CCDC102B: variants seen among roughly 807,000 people sequenced by gnomAD.
CCDC102B encodes the protein coiled-coil domain-containing protein 102B.
A neutral mutation model predicts 57.4 loss-of-function variants in CCDC102B; 75 were observed. The observed-to-expected ratio is 1.31, with a 90% CI of 1.08 to 1.58. CCDC102B has a LOEUF of 1.58. Ranked by LOEUF, CCDC102B falls within the 40% of genes most tolerant of loss-of-function variation. The pLI is 0.00. For synonymous variants in CCDC102B, 206 were observed against 201.9 expected (o/e 1.02, Z -0.17); for missense variants, 636 against 582.6 (o/e 1.09, Z -0.94).
intron 6 of CCDC102B, among the ~76,000 whole-genome samples, chr18:69,002,689 T>C (rs1395676929): frequency 6.6e-6 from 1 of 152,074 alleles, no homozygotes; most frequent in Admixed American, 6.6e-5. Context: ...CCTTAACTAG[T>C]TCTCTATTAA....
At chr18:68,879,156 G>A (rs1342150358) in intron 5 of CCDC102B, among the ~76,000 whole-genome samples, 3 of 151,988 alleles carry the variant, frequency 2.0e-5, no homozygotes, top group Admixed American at 6.6e-5. Flanking sequence ...TGAAGCTGCA[G>A]ATCTTCGCGG....
intron 7 of CCDC102B, among the ~76,000 whole-genome samples, chr18:69,042,053 C>T (rs1325968865): frequency 6.6e-6 from 1 of 151,930 alleles, no homozygotes; most frequent in African/African-American, 2.4e-5. Flanking sequence ...TATTAATTAC[C>T]ATCAGTCATT....
At chr18:68,739,352 C>G (rs1216673887) in intron 2 of CCDC102B, among the ~76,000 whole-genome samples, 4 of 152,172 alleles carry the variant, frequency 2.6e-5, no homozygotes, top group Admixed American at 2.6e-4. Context: ...CTCACTGTTT[C>G]ATGAACAAAG....
At chr18:68,745,506 G>A (rs182408775) in intron 2 of CCDC102B, among the ~76,000 whole-genome samples, 1 of 152,004 alleles carries the variant, frequency 6.6e-6, no homozygotes, top group East Asian at 1.9e-4. Flanking sequence ...GATACATAGT[G>A]ATGTTTTGAT....
intron 2 of CCDC102B, among the ~76,000 whole-genome samples, chr18:68,734,143 C>T (rs2033021774): frequency 6.6e-6 from 1 of 152,116 alleles, no homozygotes; most frequent in Non-Finnish European, 1.5e-5. Context: ...AGTCAGAAAG[C>T]AGTTAGTAAT....
chr18:68,801,180 C>A (rs1031711560), intron 1 of CCDC102B, among the ~76,000 whole-genome samples: 2 of 151,954 alleles, frequency 1.3e-5, no homozygotes, highest in Admixed American at 1.3e-4. Flanking sequence ...GGTCACTGAC[C>A]TTGAGATTTT....
At position 68,836,958 on chromosome 18, in the gene CCDC102B, C is replaced by T. The variant is rs2037405924; in HGVS notation, c.195C>T (p.Asn65=). Residue 65 remains asparagine, a synonymous_variant, in exon 2 of 8, where the codon AAC becomes AAT. Coordinates refer to ENST00000360242, the MANE Select transcript of CCDC102B (RefSeq NM_024781.3). ...HNFCAHSYNT[N]KWDICEELRL... is the part of the protein sequence containing the mutation. ...TCTGTGCTCACTCATATAACACCAA[C>T]AAATGGGATATTTGTGAAGAACTTC... 6.2e-7 allele frequency: 1 copy of T among 1,614,050 alleles called. No homozygotes were observed. The highest frequency in any genetic ancestry group is 1.3e-5 in the African/African-American group (1 of 74,908).
intron 5 of CCDC102B, among the ~76,000 whole-genome samples, chr18:68,895,329 A>G (rs964490842): frequency 6.6e-6 from 1 of 151,714 alleles, no homozygotes; most frequent in East Asian, 1.9e-4. Flanking sequence ...AGATTTGGGA[A>G]CAGAACATTT....
intron 6 of CCDC102B, among the ~76,000 whole-genome samples, chr18:68,983,872 G>T (rs770179284): frequency 6.6e-6 from 1 of 151,884 alleles, no homozygotes; most frequent in African/African-American, 2.4e-5. Flanking sequence ...GATCAGAGCT[G>T]CATGTTTAAA....
chr18:68,878,623 C>T (rs1306743832), intron 5 of CCDC102B, among the ~76,000 whole-genome samples: 1 of 152,150 alleles, frequency 6.6e-6, no homozygotes, highest in Non-Finnish European at 1.5e-5. Context: ...GGAGAAAGTG[C>T]TGTGTATGAA....
intron 7 of CCDC102B, among the ~76,000 whole-genome samples, chr18:69,024,308 G>A (rs773681316): frequency 6.6e-6 from 1 of 151,904 alleles, no homozygotes; most frequent in African/African-American, 2.4e-5. Context: ...ATTTTTGGAG[G>A]CTCCTCCAAA....
intron 2 of CCDC102B, among the ~76,000 whole-genome samples, chr18:68,765,515 GAGAA>G (rs1176071075): frequency 6.6e-6 from 1 of 151,794 alleles, no homozygotes; most frequent in Non-Finnish European, 1.5e-5. Context: ...AAGAAAGAAA[GAGAA>G]AGAAATAGAA....
intron 6 of CCDC102B, among the ~76,000 whole-genome samples, chr18:68,988,798 G>C (rs1348435239): frequency 6.6e-6 from 1 of 152,160 alleles, no homozygotes. Flanking sequence ...AGATAGTTTG[G>C]AAAAGATTGA....
At chr18:68,882,994 G>A (rs895571823) in intron 5 of CCDC102B, among the ~76,000 whole-genome samples, 1 of 152,138 alleles carries the variant, frequency 6.6e-6, no homozygotes, top group Non-Finnish European at 1.5e-5. Context: ...GTGGAAAGAG[G>A]GAGAGGATCA....
intron 1 of CCDC102B, among the ~76,000 whole-genome samples, chr18:68,820,368 A>C (rs2036645609): frequency 6.6e-6 from 1 of 152,122 alleles, no homozygotes; most frequent in African/African-American, 2.4e-5. Context: ...ATTGATAATC[A>C]AATGCTAAAC....
At chr18:68,906,658 C>A (rs549843977) in intron 6 of CCDC102B, among the ~76,000 whole-genome samples, 1 of 152,242 alleles carries the variant, frequency 6.6e-6, no homozygotes, top group Non-Finnish European at 1.5e-5. Flanking sequence ...TATGTGTACT[C>A]AAACTCTTTG....
chr18:69,045,597 T>G (rs1429924715), intron 7 of CCDC102B, among the ~76,000 whole-genome samples: 1 of 152,172 alleles, frequency 6.6e-6, no homozygotes, highest in African/African-American at 2.4e-5. Context: ...ATTTCCTTTT[T>G]ATTTTTTACT....
At chr18:69,055,896 TA>T (rs1478415696), downstream of CCDC102B, among the ~76,000 whole-genome samples, 3 of 152,078 alleles carry the variant, frequency 2.0e-5, no homozygotes. Flanking sequence ...ACTCTCACAT[TA>T]TATCATGTTC....
At chr18:68,989,253 GACGGGC>G (rs1470419028) in intron 6 of CCDC102B, among the ~76,000 whole-genome samples, 1 of 152,056 alleles carries the variant, frequency 6.6e-6, no homozygotes, top group African/African-American at 2.4e-5. Flanking sequence ...CCCTTTGAAA[GACGGGC>G]ACCTTTGGAC....
Sources: gnomAD v4.1 joint callset for allele counts (sites outside exome capture counted in the v4.1 genomes callset) on GRCh38, gnomAD v4.1.1 for gene constraint, MANE v1.5 for transcripts, NCBI Gene and HGNC (gene_info 2026-07-23, HGNC 2026-07-21) for gene names.